ELOVL7: variants seen among roughly 807,000 people sequenced by gnomAD.
The protein encoded by ELOVL7 is very long chain fatty acid elongase 7.
Under a neutral mutation model 35.7 loss-of-function variants are expected in ELOVL7, and 27 were observed. The observed-to-expected ratio is 0.76, with a 90% CI of 0.56 to 1.04. ELOVL7 has a LOEUF of 1.04. Among genes scored for constraint, ELOVL7 ranks in the 50% least tolerant of loss-of-function variants. The pLI is 0.00. For missense variants in ELOVL7, 327 were observed against 340.8 expected (o/e 0.96, Z 0.32); for synonymous variants, 113 against 114.6 (o/e 0.99, Z 0.09).
At chr5:60,843,335 G>A (rs1747294293) in intron 1 of ELOVL7, 1 of 152,094 alleles carries the variant, frequency 6.6e-6, no homozygotes, top group Non-Finnish European at 1.5e-5. Flanking sequence ...CTGACTTGAA[G>A]GGGGAAAGCC....
chr5:60,795,971 G>A (rs1405005483), intron 2 of ELOVL7, among the ~76,000 whole-genome samples: 4 of 152,100 alleles, frequency 2.6e-5, no homozygotes, highest in Admixed American at 6.5e-5. Flanking sequence ...CATCTTGGGA[G>A]CTCTAAGAAC....
At chr5:60,805,042 A>G (rs999760949) in intron 1 of ELOVL7, among the ~76,000 whole-genome samples, 31 of 152,228 alleles carry the variant, frequency 2.0e-4, no homozygotes, top group African/African-American at 6.5e-4. Context: ...AGGAATGAAG[A>G]GTCACATCTG....
Position 60,757,600 on chromosome 5 carries a change from A to G in ELOVL7, c.545T>C (p.Val182Ala). Residue 182 changes from valine to alanine, a missense_variant, in exon 8 of 9, where the codon GTA (valine) becomes GCA (alanine). Transcript: ENST00000508821. ...FHALLNTAVH[V>A]VMYSYYGLSA... ...AAGTCCATAGTAGGAATACATGACT[A>G]CATGTACAGCTGTATTTAGAAGGGC... The G allele has an allele frequency of 2.5e-6, 4 of 1,612,038 alleles. No individual in the cohort carries two copies. In the South Asian group the frequency reaches 3.3e-5, roughly 13 times the overall value.
At chr5:60,792,431 G>T (rs1389799033) in intron 2 of ELOVL7, among the ~76,000 whole-genome samples, 1 of 152,096 alleles carries the variant, frequency 6.6e-6, no homozygotes, top group Non-Finnish European at 1.5e-5. Context: ...TACATTGTAG[G>T]GACTGACTGG....
chr5:60,790,197 A>C (rs1743846698), intron 2 of ELOVL7, among the ~76,000 whole-genome samples: 1 of 152,168 alleles, frequency 6.6e-6, no homozygotes, highest in Admixed American at 6.5e-5. Flanking sequence ...ATGACCTTGT[A>C]TATAAAAGGA....
intron 1 of ELOVL7, among the ~76,000 whole-genome samples, chr5:60,815,756 G>C (rs551437488): frequency 6.6e-6 from 1 of 152,170 alleles, no homozygotes; most frequent in South Asian, 2.1e-4. Context: ...CTTTTTAGTA[G>C]AGATGGGGTT....
chr5:60,762,509 A>C (rs1561422087), intron 7 of ELOVL7, among the ~76,000 whole-genome samples: 1 of 152,094 alleles, frequency 6.6e-6, no homozygotes, highest in East Asian at 1.9e-4. Context: ...GAAAATATAG[A>C]GAAAGGGACG....
chr5:60,788,774 C>A (rs1743751309), intron 2 of ELOVL7, among the ~76,000 whole-genome samples: 1 of 151,906 alleles, frequency 6.6e-6, no homozygotes, highest in Admixed American at 6.6e-5. Flanking sequence ...GCCTGGGCAA[C>A]AGAGTGAGAC....
intron 1 of ELOVL7, among the ~76,000 whole-genome samples, chr5:60,805,414 C>G (rs1334589286): frequency 1.3e-5 from 2 of 152,180 alleles, no homozygotes; most frequent in African/African-American, 4.8e-5. Flanking sequence ...ACAGTGGTGG[C>G]ACCTGATTCT....
chr5:60,832,274 T>C (rs1746521981), intron 1 of ELOVL7, among the ~76,000 whole-genome samples: 1 of 152,200 alleles, frequency 6.6e-6, no homozygotes, highest in South Asian at 2.1e-4. Context: ...AGCAGCAACA[T>C]ATATTTGCCT....
chr5:60,755,290 G>A (rs1467173043), intron 8 of ELOVL7, among the ~76,000 whole-genome samples: 2 of 152,192 alleles, frequency 1.3e-5, no homozygotes, highest in East Asian at 3.9e-4. Flanking sequence ...TTTACTTAGA[G>A]CCCCTGGAAT....
chr5:60,790,248 G>A (rs554155459), intron 2 of ELOVL7, among the ~76,000 whole-genome samples: 2 of 152,164 alleles, frequency 1.3e-5, no homozygotes, highest in African/African-American at 2.4e-5. Context: ...ACTCATAGTT[G>A]TATAAAAGGA....
In ELOVL7 at chr5:60,821,430, T is replaced by C. The variant is rs919765696; in HGVS notation, c.-85-22200A>G. Among the ~76,000 whole-genome samples the C allele has an allele frequency of 2.6e-5, 4 of 152,170 alleles. No individual in the cohort carries two copies. In the East Asian group the frequency reaches 5.8e-4, roughly 22 times the overall value. ...AACCTTTTCCACTATGTCCCCTCTA[T>C]CCTCCAACTCAGCAAGCCCAAGTGC... On this transcript the variant is annotated intron_variant, in intron 1 of 8. Transcript: ENST00000508821.
intron 1 of ELOVL7, among the ~76,000 whole-genome samples, chr5:60,829,943 T>C: frequency 6.6e-6 from 1 of 152,220 alleles, no homozygotes. Flanking sequence ...TACCCTTGAA[T>C]AGAGGAAACA....
intron 1 of ELOVL7, among the ~76,000 whole-genome samples, chr5:60,806,106 T>A (rs575571096): frequency 6.6e-6 from 1 of 152,256 alleles, no homozygotes; most frequent in African/African-American, 2.4e-5. Flanking sequence ...AGGGGAAATT[T>A]AGACACAGAC....
At chr5:60,759,093 A>G (rs922616407) in intron 7 of ELOVL7, among the ~76,000 whole-genome samples, 2 of 152,200 alleles carry the variant, frequency 1.3e-5, no homozygotes, top group Non-Finnish European at 2.9e-5. Flanking sequence ...AGATATTTCT[A>G]GATACTAGCA....
At chr5:60,762,072 T>C (rs1027193329) in intron 7 of ELOVL7, among the ~76,000 whole-genome samples, 1 of 151,974 alleles carries the variant, frequency 6.6e-6, no homozygotes, top group Non-Finnish European at 1.5e-5. Context: ...TGCCAATGCA[T>C]GGAACATATG....
At chr5:60,764,408 A>G in intron 6 of ELOVL7, 76 bp from the exon 7 acceptor site, 1 of 1,082,462 alleles carries the variant, frequency 9.2e-7, no homozygotes, top group East Asian at 2.6e-5. Flanking sequence ...AAATATTGGC[A>G]AAGTGCAAAG....
chr5:60,817,562 T>C (rs533744195), intron 1 of ELOVL7, among the ~76,000 whole-genome samples: 126 of 148,332 alleles, frequency 8.5e-4, no homozygotes, highest in South Asian at 4.6e-3. Flanking sequence ...GGTGTGTGTG[T>C]GTATATATAT....
Sources: gnomAD v4.1 joint callset for allele counts (sites outside exome capture counted in the v4.1 genomes callset) on GRCh38, gnomAD v4.1.1 for gene constraint, MANE v1.5 for transcripts, NCBI Gene and HGNC (gene_info 2026-07-23, HGNC 2026-07-21) for gene names.